UTRN: variants seen among roughly 807,000 people sequenced by gnomAD.
The protein encoded by UTRN is utrophin.
Under a neutral mutation model 463.9 loss-of-function variants are expected in UTRN, and 283 were observed. The observed-to-expected ratio is 0.61, with a 90% confidence interval of 0.55 to 0.67. The LOEUF (loss-of-function observed/expected upper bound fraction) is 0.67, where lower values mean the gene tolerates loss of function less well. Among genes scored for constraint, UTRN ranks in the 30% least tolerant of loss-of-function variants. UTRN has a pLI of 0.00. For synonymous variants in UTRN, 1,442 were observed against 1,431.5 expected, an observed-to-expected ratio of 1.01 and a Z score of -0.17; for missense variants, 3,922 against 4,084.3, an observed-to-expected ratio of 0.96 and a Z score of 1.08.
intron 51 of UTRN, among the ~76,000 whole-genome samples, chr6:144,657,753 G>T (rs1195841825): frequency 6.6e-6 from 1 of 152,194 alleles, no homozygotes; most frequent in Non-Finnish European, 1.5e-5. Context: ...CTTCTGATCT[G>T]TGCATGGGGG....
chr6:144,732,267 T>TATAC lies in UTRN; in HGVS notation c.7939+1784_7939+1785insCATA, dbSNP rs1554360095. Among the ~76,000 whole-genome samples, 865 of 89,510 alleles carry TATAC rather than the reference T, an allele frequency of 9.7e-3. 14 individuals carry two copies. The highest frequency in any genetic ancestry group is 0.051 in the African/African-American group (815 of 15,954). The allele number at this position is 89,510 out of a possible 152,430, so 58.7% of individuals were successfully genotyped here. On this transcript the variant is annotated intron_variant, in intron 54 of 74. Transcript: ENST00000367545. ...ATATATATATATATATACACACATA[T>TATAC]ATATATATATACACACATATATATA...
intron 51 of UTRN, among the ~76,000 whole-genome samples, chr6:144,580,529 CT>C (rs202068389): frequency 2.9e-3 from 442 of 152,244 alleles, no homozygotes; most frequent in Admixed American, 7.3e-3. Flanking sequence ...ACATGCCATT[CT>C]TTTAAGGATG....
chr6:144,583,307 A>G, intron 51 of UTRN: 1 of 423,028 alleles, frequency 2.4e-6, no homozygotes. Context: ...TGTTTTTTAA[A>G]TTGAGAAGTT....
At chr6:144,539,193 A>G (rs1362034534) in intron 44 of UTRN, 101 bp from the exon 45 acceptor site, 6 of 1,285,924 alleles carry the variant, frequency 4.7e-6, no homozygotes, top group South Asian at 1.7e-5. Context: ...ACAAATTAGA[A>G]AGTTACATTT....
intron 21 of UTRN, among the ~76,000 whole-genome samples, chr6:144,459,622 T>TC (rs1789210248): frequency 6.6e-6 from 1 of 152,100 alleles, no homozygotes; most frequent in Non-Finnish European, 1.5e-5. Context: ...AGCTACAGGA[T>TC]CTCACTCTGT....
intron 2 of UTRN, among the ~76,000 whole-genome samples, chr6:144,351,917 C>T (rs1425855674): frequency 6.6e-6 from 1 of 152,184 alleles, no homozygotes; most frequent in Non-Finnish European, 1.5e-5. Context: ...TGAGAAGCAA[C>T]TCCTATCACA....
Position 144,813,340 on chromosome 6 carries a change from C to T in UTRN, c.9358-7542C>T, listed in dbSNP as rs539678330. Among the ~76,000 whole-genome samples, 3 of 152,158 alleles carry T rather than the reference C, an allele frequency of 2.0e-5. No homozygotes were observed. In the South Asian group the frequency reaches 6.2e-4, roughly 32 times the overall value. On this transcript the variant is annotated intron_variant, in intron 65 of 74. Transcript: ENST00000367545. ...AGTAGCTGGGATTCCAGGCATGTGC[C>T]ACCACGCCCAGCTAATTTTTGCATT...
At chr6:144,548,924 C>A in intron 47 of UTRN, 70 bp downstream of exon 47, 1 of 1,480,802 alleles carries the variant, frequency 6.8e-7, no homozygotes, top group Non-Finnish European at 9.2e-7. Flanking sequence ...CTGTTTGAAT[C>A]CCTTTTGTTT....
At chr6:144,536,490 C>G (rs1327083326) in intron 43 of UTRN, among the ~76,000 whole-genome samples, 1 of 151,926 alleles carries the variant, frequency 6.6e-6, no homozygotes, top group Non-Finnish European at 1.5e-5. Flanking sequence ...TTGATGGATA[C>G]TTAAAAATTA....
At chr6:144,520,567 C>G (rs1795999604) in intron 39 of UTRN, among the ~76,000 whole-genome samples, 1 of 152,188 alleles carries the variant, frequency 6.6e-6, no homozygotes, top group African/African-American at 2.4e-5. Flanking sequence ...AGACCTGCTT[C>G]TAACCTGGCT....
intron 65 of UTRN, among the ~76,000 whole-genome samples, chr6:144,803,445 T>C (rs1777877471): frequency 6.6e-6 from 1 of 152,060 alleles, no homozygotes; most frequent in Non-Finnish European, 1.5e-5. Flanking sequence ...CTTTTAGACA[T>C]ATTTATGCTT....
intron 52 of UTRN, among the ~76,000 whole-genome samples, chr6:144,684,753 A>T (rs1782572853): frequency 6.6e-6 from 1 of 152,218 alleles, no homozygotes; most frequent in African/African-American, 2.4e-5. Context: ...TATGAGTCCT[A>T]TCCAGGGGGG....
At position 144,537,863 on chromosome 6, in the gene UTRN, A is replaced by G. The variant is rs1216854923; in HGVS notation, c.6369+146A>G. The G allele has an allele frequency of 1.3e-5, 16 of 1,226,110 alleles. No homozygotes were observed. In the Middle Eastern group the frequency reaches 6.1e-4, roughly 46 times the overall value. 76.0% of individuals were successfully genotyped at this position (1,226,110 alleles called of 1,614,324 possible). On this transcript the variant is annotated intron_variant, in intron 44 of 74. Coordinates refer to ENST00000367545, the MANE Select transcript of UTRN (RefSeq NM_007124.3). ...TGAACCTGAAAGAGGAATATCTTTT[A>G]TTTTTTAAAGAGCAGTTATAATTTT...
At chr6:144,724,412 A>G (rs1003344493) in intron 53 of UTRN, among the ~76,000 whole-genome samples, 9 of 151,780 alleles carry the variant, frequency 5.9e-5, no homozygotes, top group Non-Finnish European at 8.8e-5. Context: ...TATTTTTAGT[A>G]GAGATGGGGT....
At chr6:144,845,724 C>T (rs1781953383) in intron 73 of UTRN, among the ~76,000 whole-genome samples, 1 of 152,020 alleles carries the variant, frequency 6.6e-6, no homozygotes, top group African/African-American at 2.4e-5. Flanking sequence ...CTCAGCTATC[C>T]CTTGGACACT....
intron 34 of UTRN, among the ~76,000 whole-genome samples, chr6:144,506,193 A>G (rs542201120): frequency 7.7e-4 from 117 of 151,698 alleles, no homozygotes; most frequent in Admixed American, 3.2e-3. Flanking sequence ...CAGCACACGG[A>G]TGGGTCTTGG....
At position 144,542,238 on chromosome 6, in the gene UTRN, G is replaced by A. The variant is rs906772047; in HGVS notation, c.6520-557G>A. 9.2e-5 allele frequency among the ~76,000 whole-genome samples: 14 copies of A among 152,302 alleles called. No homozygotes were observed. The East Asian group carries it at 1.2e-3, about 13-fold the overall frequency. ...TATGAAACGGGTGTCAGGGAAGATA[G>A]GGATAAGGAATTCAGATGTGGACAT... is the stretch of plus-strand genomic sequence containing the variant. On this transcript the variant is annotated intron_variant, in intron 45 of 74. Transcript: ENST00000367545.
rs531994972 is a variant in UTRN, at chr6:144,661,990, T to TTTA, written c.7480-16402_7480-16400dup. On this transcript the variant is annotated intron_variant, in intron 51 of 74. Coordinates refer to ENST00000367545, the MANE Select transcript of UTRN (RefSeq NM_007124.3). Reference sequence around the variant, plus strand: ...CCTGTCAAAGGCTTGATTTGGGATTTTTATTATTATTATTATCTATTTATT... The same window carrying TTTA: ...CCTGTCAAAGGCTTGATTTGGGATTTTTATTATTATTATTATTATCTATTTATT... Among the ~76,000 whole-genome samples the TTTA allele has an allele frequency of 3.4e-3, 514 of 151,550 alleles. 3 individuals carry two copies. Among genetic ancestry groups the TTTA allele is most frequent in the African/African-American group, 0.012 (482 of 41,492 alleles).
At chr6:144,336,514 TTTCTAGGTGTCTC>T (rs1776732542) in intron 2 of UTRN, among the ~76,000 whole-genome samples, 1 of 152,142 alleles carries the variant, frequency 6.6e-6, no homozygotes, top group Admixed American at 6.5e-5. Flanking sequence ...CAAAGAATAA[TTTCTAGGTGTCTC>T]TTCTTCACAC....
Sources: allele counts gnomAD v4.1 joint callset (sites outside exome capture counted in the v4.1 genomes callset), GRCh38; gene constraint gnomAD v4.1.1; transcripts MANE v1.5; gene names NCBI Gene and HGNC (gene_info 2026-07-23, HGNC 2026-07-21).